Variants in TESK2 observed in about 807,000 individuals in gnomAD.
TESK2 encodes the protein dual specificity testis-specific protein kinase 2.
Under a neutral mutation model 57.1 loss-of-function variants are expected in TESK2, and 39 were observed. That is an observed-to-expected ratio of 0.68 (90% CI 0.53 to 0.89). TESK2 has a LOEUF of 0.89. Ranked by LOEUF, TESK2 falls within the 40% of genes least tolerant of loss-of-function variation. The probability of loss-of-function intolerance (pLI) is 0.00; values close to 1 mark genes in which losing one functional copy is unlikely to be tolerated. For missense variants in TESK2, 646 were observed against 732.1 expected, an observed-to-expected ratio of 0.88 and a Z score of 1.36; for synonymous variants, 249 against 267.9, an observed-to-expected ratio of 0.93 and a Z score of 0.69.
At chr1:45,397,962 C>T (rs1287601546) in intron 3 of TESK2, among the ~76,000 whole-genome samples, 2 of 152,166 alleles carry the variant, frequency 1.3e-5, no homozygotes, top group Non-Finnish European at 2.9e-5. Context: ...GGCTGGAGTG[C>T]AGTGGCGTGA....
At chr1:45,371,029 A>G (rs941058229) in intron 4 of TESK2, among the ~76,000 whole-genome samples, 1 of 152,180 alleles carries the variant, frequency 6.6e-6, no homozygotes, top group Admixed American at 6.5e-5. Context: ...GAGAAATGCA[A>G]ATCAAACCAC....
At chr1:45,392,118 C>T (rs1249901692) in intron 3 of TESK2, among the ~76,000 whole-genome samples, 1 of 152,160 alleles carries the variant, frequency 6.6e-6, no homozygotes, top group Non-Finnish European at 1.5e-5. Flanking sequence ...GACTGTCTCG[C>T]TCTGTCACCC....
intron 3 of TESK2, among the ~76,000 whole-genome samples, chr1:45,389,252 C>T (rs1557553622): frequency 6.6e-6 from 1 of 152,078 alleles, no homozygotes; most frequent in African/African-American, 2.4e-5. Flanking sequence ...GAGACCTCGT[C>T]ATATACATAT....
At chr1:45,437,195 G>C (rs1320485561) in intron 2 of TESK2, among the ~76,000 whole-genome samples, 1 of 152,146 alleles carries the variant, frequency 6.6e-6, no homozygotes, top group Non-Finnish European at 1.5e-5. Flanking sequence ...ATGAGCATAA[G>C]ATATCTTTCT....
At chr1:45,466,593 T>C (rs2149302887) in intron 1 of TESK2, among the ~76,000 whole-genome samples, 1 of 151,666 alleles carries the variant, frequency 6.6e-6, no homozygotes, top group South Asian at 2.1e-4. Flanking sequence ...AAGGCTGCAG[T>C]GAGCCATGAC....
chr1:45,473,047 G>A (rs1000278278), intron 1 of TESK2, among the ~76,000 whole-genome samples: 5 of 151,118 alleles, frequency 3.3e-5, no homozygotes, highest in Admixed American at 1.3e-4. Flanking sequence ...CCAGCTAATC[G>A]GGAGACTGAG....
chr1:45,368,514 C>T (rs1648042371), intron 4 of TESK2, among the ~76,000 whole-genome samples: 1 of 151,832 alleles, frequency 6.6e-6, no homozygotes, highest in Admixed American at 6.6e-5. Context: ...CCTGGGACTA[C>T]AGGCGCCTGC....
chr1:45,489,287 T>C (rs1030346404), intron 1 of TESK2, among the ~76,000 whole-genome samples: 3 of 152,194 alleles, frequency 2.0e-5, no homozygotes, highest in Non-Finnish European at 2.9e-5. Flanking sequence ...GTTCCTTTAA[T>C]CTCTCTTTTT....
At chr1:45,406,558 G>C (rs1213104776) in intron 3 of TESK2, among the ~76,000 whole-genome samples, 1 of 152,096 alleles carries the variant, frequency 6.6e-6, no homozygotes, top group Non-Finnish European at 1.5e-5. Context: ...TGAAGGCTGA[G>C]GCAGGAGGAT....
intron 2 of TESK2, among the ~76,000 whole-genome samples, chr1:45,425,593 T>G (rs1206542907): frequency 6.6e-6 from 1 of 152,094 alleles, no homozygotes; most frequent in African/African-American, 2.4e-5. Flanking sequence ...AGGTCAAGGC[T>G]GCAGTGAGCT....
intron 2 of TESK2, among the ~76,000 whole-genome samples, chr1:45,450,012 A>C (rs1651806770): frequency 6.6e-6 from 1 of 152,220 alleles, no homozygotes; most frequent in Non-Finnish European, 1.5e-5. Context: ...ATGCTAATTT[A>C]GTGTATGATA....
Position 45,486,818 on chromosome 1 carries a change from C to CACACACACAT in TESK2, c.-87+4033_-87+4034insATGTGTGTGT, listed in dbSNP as rs796420228. On this transcript the variant is annotated intron_variant, in intron 1 of 10. Coordinates refer to ENST00000372086, the MANE Select transcript of TESK2 (RefSeq NM_007170.3). ...ACACACACACACACACACACACACA[C>CACACACACAT]ATATATACATTTTTTTTTTTTGAGA... Among the ~76,000 whole-genome samples, 332 of 140,246 alleles carry CACACACACAT rather than the reference C, an allele frequency of 2.4e-3. 4 individuals are homozygous for CACACACACAT. Among genetic ancestry groups the CACACACACAT allele is most frequent in the African/African-American group, 9.0e-3 (318 of 35,146 alleles). The allele number at this position is 140,246 out of a possible 152,430, so 92.0% of individuals were successfully genotyped here. A position where few individuals can be genotyped will look rare whatever the true frequency, so the allele number is the denominator to read the frequency against.
intron 1 of TESK2, among the ~76,000 whole-genome samples, chr1:45,488,826 C>A (rs922342459): frequency 6.6e-6 from 1 of 152,112 alleles, no homozygotes; most frequent in Admixed American, 6.6e-5. Context: ...CCCACCCTAC[C>A]AAAACTGCAT....
At chr1:45,392,728 A>G (rs903504308) in intron 3 of TESK2, among the ~76,000 whole-genome samples, 32 of 151,896 alleles carry the variant, frequency 2.1e-4, no homozygotes, top group Admixed American at 3.3e-4. Flanking sequence ...TTTATTTTTT[A>G]GAGATAGTAT....
chr1:45,346,635 C>G, intron 9 of TESK2, 58 bp downstream of exon 9: 3 of 1,456,888 alleles, frequency 2.1e-6, no homozygotes, highest in South Asian at 2.4e-5. Flanking sequence ...ACAGTCCTAA[C>G]CAGGTGAAAA....
intron 8 of TESK2, 93 bp from the exon 9 acceptor site, chr1:45,346,872 G>A: frequency 6.5e-7 from 1 of 1,531,984 alleles, no homozygotes; most frequent in Non-Finnish European, 9.0e-7. Context: ...AGCTGCCCCT[G>A]ACAACCAGCA....
At position 45,379,124 on chromosome 1, in the gene TESK2, TATCAC is replaced by T. The variant is rs201868246; in HGVS notation, c.393+6783_393+6787del. ...AGGCACAACTAATAACAATATCACA[TATCAC>T]AGCACACCAAAAAAACTGGAATCAG... On this transcript the variant is annotated intron_variant, in intron 4 of 10. Coordinates refer to ENST00000372086, the MANE Select transcript of TESK2 (RefSeq NM_007170.3). 2.4e-3 allele frequency among the ~76,000 whole-genome samples: 361 copies of T among 152,288 alleles called. 4 individuals carry two copies. Among genetic ancestry groups the T allele is most frequent in the African/African-American group, 8.4e-3 (350 of 41,562 alleles).
rs749146726 is a variant in TESK2, at chr1:45,347,972, C to T, written c.569G>A (p.Gly190Asp). ...KNCLIKRDENGYSAVVADFGL... is the reference protein window; with the variant it reads ...KNCLIKRDENDYSAVVADFGL... ...AAAGTCAGCTACCACTGCAGAGTAA[C>T]CATTCTCATCCCTCTTTATCAGGCA... Residue 190 changes from glycine (G) to aspartate (D), a missense_variant, in exon 6 of 11, where the codon GGT becomes GAT. Gly to Asp is a moderately conservative substitution (Grantham distance 94). Transcript: ENST00000372086. 3 of 1,613,678 alleles carry T rather than the reference C, an allele frequency of 1.9e-6. No homozygotes were observed. The Admixed American group carries it at 5.0e-5, about 27-fold the overall frequency.
At chr1:45,485,529 T>TA (rs1423031740) in intron 1 of TESK2, among the ~76,000 whole-genome samples, 3 of 148,804 alleles carry the variant, frequency 2.0e-5, no homozygotes, top group Non-Finnish European at 4.5e-5. Context: ...TTTTATTTTT[T>TA]TTTTTTTGAG....
Sources: allele counts gnomAD v4.1 joint callset (sites outside exome capture counted in the v4.1 genomes callset), GRCh38; gene constraint gnomAD v4.1.1; transcripts MANE v1.5; gene names NCBI Gene and HGNC (gene_info 2026-07-23, HGNC 2026-07-21).